Variants in GUCY2C observed in about 807,000 individuals in gnomAD.
GUCY2C encodes the protein guanylate cyclase 2C, also known as guanylyl cyclase C.
Under a neutral mutation model 131.1 loss-of-function variants are expected in GUCY2C, and 118 were observed. That is an observed-to-expected ratio of 0.90 (90% CI 0.78 to 1.05). The LOEUF is 1.05. Ranked by LOEUF, GUCY2C falls within the 50% of genes least tolerant of loss-of-function variation. GUCY2C has a pLI of 0.00. For missense variants in GUCY2C, 1,161 were observed against 1,304.4 expected (o/e 0.89, Z 1.69); for synonymous variants, 452 against 457.8 (o/e 0.99, Z 0.16).
At position 14,639,435 on chromosome 12, in the gene GUCY2C, A is replaced by G. The variant is rs528446314; in HGVS notation, c.2157+427T>C. Among the ~76,000 whole-genome samples, 6 of 152,278 alleles carry G rather than the reference A, an allele frequency of 3.9e-5. No homozygotes were observed. The South Asian group carries it at 1.2e-3, about 32-fold the overall frequency. On this transcript the variant is annotated intron_variant, in intron 19 of 26. Coordinates refer to ENST00000261170, the MANE Select transcript of GUCY2C (RefSeq NM_004963.4). ...GGCTCCCAAAGACATGCTGCGTCCTAATACCTGGAACCTATGAATGCTACC... is the reference window on the plus strand; with the variant it reads ...GGCTCCCAAAGACATGCTGCGTCCTGATACCTGGAACCTATGAATGCTACC...
intron 15 of GUCY2C, among the ~76,000 whole-genome samples, chr12:14,649,302 T>A (rs1947590817): frequency 6.6e-6 from 1 of 152,328 alleles, no homozygotes; most frequent in African/African-American, 2.4e-5. Context: ...ATTACATTAG[T>A]AACAATAGAA....
At chr12:14,673,240 C>T (rs769529490) in intron 8 of GUCY2C, among the ~76,000 whole-genome samples, 1 of 152,094 alleles carries the variant, frequency 6.6e-6, no homozygotes, top group Non-Finnish European at 1.5e-5. Context: ...ATAAGTCCCT[C>T]GATTATTAGT....
chr12:14,613,430 T>A lies in GUCY2C; in HGVS notation c.3048-139A>T, dbSNP rs1009057357. ...TGCTAGACACAGGAAATCCAAAGAA[T>A]ACAAAATGATCCCTGCCTTTGATGA... On this transcript the variant is annotated intron_variant, in intron 26 of 26. Coordinates refer to ENST00000261170, the MANE Select transcript of GUCY2C (RefSeq NM_004963.4). This position sits in a 1 kb window ranked among gnomAD's most constrained non-coding sequence, Gnocchi z 4.9. 7 of 678,492 alleles carry A rather than the reference T, an allele frequency of 1.0e-5. No homozygotes were observed. The South Asian group carries it at 1.1e-4, about 10-fold the overall frequency. The allele number at this position is 678,492 out of a possible 1,614,324, so 42.0% of individuals were successfully genotyped here.
intron 15 of GUCY2C, among the ~76,000 whole-genome samples, chr12:14,649,185 G>A (rs1002493464): frequency 1.3e-5 from 2 of 152,034 alleles, no homozygotes; most frequent in Non-Finnish European, 2.9e-5. Flanking sequence ...TTGAAAGGGG[G>A]TTACTATAAA....
At chr12:14,688,374 C>A (rs1290403497) in intron 1 of GUCY2C, among the ~76,000 whole-genome samples, 1 of 152,136 alleles carries the variant, frequency 6.6e-6, no homozygotes, top group African/African-American at 2.4e-5. Flanking sequence ...AGTTGTGCAA[C>A]CATCCACATG....
At chr12:14,645,084 A>G in intron 16 of GUCY2C, 145 bp downstream of exon 16, 1 of 524,482 alleles carries the variant, frequency 1.9e-6, no homozygotes, top group Non-Finnish European at 3.3e-6. Context: ...CAAAATCCTC[A>G]TAACCTAAAA....
At chr12:14,681,326 C>CA (rs753124929) in intron 5 of GUCY2C, 30 bp downstream of exon 5, 83 of 1,606,064 alleles carry the variant, frequency 5.2e-5, no homozygotes, top group Non-Finnish European at 7.0e-5. Flanking sequence ...AAGAAGTTAG[C>CA]AAAAAACAAT....
intron 24 of GUCY2C, 21 bp downstream of exon 24, chr12:14,619,190 A>G (rs1362098135): frequency 4.2e-6 from 6 of 1,429,520 alleles, no homozygotes; most frequent in Non-Finnish European, 5.9e-6. Flanking sequence ...GTCCTCTGAG[A>G]AAAACAGTCT....
intron 15 of GUCY2C, among the ~76,000 whole-genome samples, chr12:14,647,134 T>G (rs1349594235): frequency 6.6e-6 from 1 of 152,186 alleles, no homozygotes; most frequent in African/African-American, 2.4e-5. Context: ...GCACCATTTT[T>G]AAAATTACCC....
intron 20 of GUCY2C, among the ~76,000 whole-genome samples, chr12:14,626,856 T>A (rs1259965535): frequency 1.3e-5 from 2 of 152,230 alleles, no homozygotes; most frequent in African/African-American, 4.8e-5. Flanking sequence ...TCTTGCTTTC[T>A]TATTTGTATT....
chr12:14,652,106 T>C (rs1947672768), intron 13 of GUCY2C, 76 bp from the exon 14 acceptor site: 1 of 732,180 alleles, frequency 1.4e-6, no homozygotes, highest in African/African-American at 1.7e-5. Flanking sequence ...AGTTTGTTTG[T>C]GTGTCTCACT....
At chr12:14,642,680 G>A (rs931932946) in intron 17 of GUCY2C, among the ~76,000 whole-genome samples, 3 of 152,132 alleles carry the variant, frequency 2.0e-5, no homozygotes, top group African/African-American at 7.2e-5. Flanking sequence ...TGTTTAAGAT[G>A]ATAGGATTTG....
At chr12:14,641,416 C>T (rs1947401452) in intron 17 of GUCY2C, among the ~76,000 whole-genome samples, 197 bp from the exon 18 acceptor site, 1 of 152,038 alleles carries the variant, frequency 6.6e-6, no homozygotes, top group African/African-American at 2.4e-5. Flanking sequence ...AGAACACACA[C>T]CTTTTAGACT....
intron 4 of GUCY2C, among the ~76,000 whole-genome samples, chr12:14,682,007 G>A (rs191198021): frequency 2.2e-4 from 34 of 152,238 alleles, no homozygotes; most frequent in African/African-American, 7.5e-4. Context: ...GTCTCTAGAC[G>A]TGCATCCCTG....
chr12:14,683,300 C>T (rs2137094852), intron 3 of GUCY2C, 43 bp from the exon 4 acceptor site: 1 of 1,209,096 alleles, frequency 8.3e-7, no homozygotes, highest in Non-Finnish European at 1.2e-6. Flanking sequence ...TCAGTATTAA[C>T]TTAAGTAGCA....
chr12:14,633,172 G>A (rs1947187606), intron 19 of GUCY2C, among the ~76,000 whole-genome samples: 2 of 152,184 alleles, frequency 1.3e-5, no homozygotes, highest in South Asian at 4.1e-4. Context: ...TGGGGCCCAA[G>A]GACAGCTTAT....
chr12:14,615,648 T>TAA (rs987766440), intron 25 of GUCY2C, among the ~76,000 whole-genome samples: 106 of 149,716 alleles, frequency 7.1e-4, no homozygotes, highest in African/African-American at 2.6e-3. Flanking sequence ...TATATATATA[T>TAA]AATTGATATA....
chr12:14,664,230 G>T (rs1004255356), intron 10 of GUCY2C, among the ~76,000 whole-genome samples: 2 of 152,126 alleles, frequency 1.3e-5, no homozygotes, highest in Non-Finnish European at 2.9e-5. Context: ...GGTGAATTCT[G>T]TTTGTTACTA....
rs1291069492 is a variant in GUCY2C at position 14,671,381 on chromosome 12, G to T, written c.1170+1492C>A. On this transcript the variant is annotated intron_variant, in intron 9 of 26. Transcript: ENST00000261170. Reference sequence around the variant, plus strand: ...TCAAACTCTTGACCTCAAGTGATCCGCCTGCCTCGGCCTCCAAAAGTGCTG... The same window carrying T: ...TCAAACTCTTGACCTCAAGTGATCCTCCTGCCTCGGCCTCCAAAAGTGCTG... Among the ~76,000 whole-genome samples the T allele has an allele frequency of 2.6e-5, 4 of 151,976 alleles. No individual in the cohort carries two copies. The East Asian group carries it at 5.8e-4, about 22-fold the overall frequency.
Sources: gnomAD v4.1 joint callset for allele counts (sites outside exome capture counted in the v4.1 genomes callset) on GRCh38, gnomAD v4.1.1 for gene constraint, Gnocchi (gnomAD v3.1) non-coding constraint, MANE v1.5 for transcripts, NCBI Gene and HGNC (gene_info 2026-07-23, HGNC 2026-07-21) for gene names.